The following SPANXN3 variants were observed in gnomAD, a reference collection of about 807,000 sequenced individuals.
SPANXN3 encodes the protein sperm protein associated with the nucleus on the X chromosome N3.
SPANXN3 carries 1 observed loss-of-function variant against 1.9 expected under a neutral mutation model. The observed-to-expected ratio is 0.54, with a 90% CI of 0.19 to 2.54. The LOEUF is 2.54. Among genes scored for constraint, SPANXN3 ranks in the 30% most tolerant of loss-of-function variants. SPANXN3 has a pLI of 0.24. For missense variants in SPANXN3, 113 were observed against 96.2 expected (o/e 1.17, Z -0.73); for synonymous variants, 47 against 40.0 (o/e 1.17, Z -0.66).
intron 1 of SPANXN3, among the ~76,000 whole-genome samples, chrX:143,513,070 C>T (rs145461156): frequency 9.1e-6 from 1 of 110,466 alleles, no homozygotes; most frequent in African/African-American, 3.4e-5. Context: ...TTGGGACATG[C>T]CCTTTCCTCA....
chrX:143,511,416 A>G (rs1929088646), intron 1 of SPANXN3, among the ~76,000 whole-genome samples: 1 of 111,415 alleles, frequency 9.0e-6, no homozygotes, highest in Admixed American at 9.5e-5. Context: ...CCCTAATACC[A>G]TTAAGGGCAA....
At position 143,508,792 on chromosome X, in the gene SPANXN3, C is replaced by G; in HGVS notation, c.*23G>C. On this transcript the variant is annotated 3_prime_UTR_variant, in exon 2 of 2. Transcript: ENST00000370503. ...TCGCCATCAGTGGTGATGATTTGTC[C>G]AATTTGGTTTCTCCATGTGTGACTA... The G allele has an allele frequency of 8.7e-7, 1 of 1,149,450 alleles. No individual in the cohort carries two copies. Among genetic ancestry groups the G allele is most frequent in the Non-Finnish European group, 1.2e-6 (1 of 846,339 alleles). The allele number at this position is 1,149,450 out of a possible 1,213,427, so 94.7% of individuals were successfully genotyped here. A position where few individuals can be genotyped will look rare whatever the true frequency, so the allele number is the denominator to read the frequency against.
chrX:143,514,189 C>A (rs1460376145), intron 1 of SPANXN3, among the ~76,000 whole-genome samples: 7 of 111,902 alleles, frequency 6.3e-5, no homozygotes, highest in Non-Finnish European at 1.3e-4. Context: ...GGCAGGCAGC[C>A]CTTAAAACCC....
intron 1 of SPANXN3, among the ~76,000 whole-genome samples, chrX:143,511,474 GA>G (rs1294530423): frequency 9.0e-6 from 1 of 110,857 alleles, no homozygotes; most frequent in Admixed American, 9.6e-5. Flanking sequence ...CCAGACATTT[GA>G]AAAAAAACTT....
chrX:143,514,620 G>A (rs1483078884), intron 1 of SPANXN3, among the ~76,000 whole-genome samples: 3 of 110,857 alleles, frequency 2.7e-5, no homozygotes, highest in African/African-American at 9.9e-5. Context: ...TCTCTGGATG[G>A]ATAAAAGCTT....
chrX:143,514,181 C>G (rs782155765), intron 1 of SPANXN3, among the ~76,000 whole-genome samples: 12 of 112,141 alleles, frequency 1.1e-4, no homozygotes, highest in African/African-American at 3.9e-4. Context: ...GGCAGCCTGG[C>G]AGGCAGCCCT....
intron 1 of SPANXN3, chrX:143,510,246 A>T (rs2124254429): frequency 9.0e-6 from 1 of 110,974 alleles, no homozygotes; most frequent in South Asian, 3.9e-4. Context: ...CTTGTTCTCC[A>T]AAAAAATTCC....
chrX:143,509,343 G>A (rs1929039507), intron 1 of SPANXN3, among the ~76,000 whole-genome samples, 181 bp from the exon 2 acceptor site: 1 of 111,208 alleles, frequency 9.0e-6, no homozygotes, highest in African/African-American at 3.3e-5. Flanking sequence ...AGCATGGGTA[G>A]AGTCACCTGT....
chrX:143,516,374 A>G (rs1165636931), intron 1 of SPANXN3, among the ~76,000 whole-genome samples: 3 of 112,116 alleles, frequency 2.7e-5, no homozygotes, highest in Non-Finnish European at 5.6e-5. Flanking sequence ...GGTCAGGAAC[A>G]TACACCCTGG....
chrX:143,510,109 C>T (rs1397842434), intron 1 of SPANXN3: 6 of 111,127 alleles, frequency 5.4e-5, no homozygotes, highest in Non-Finnish European at 7.5e-5. Context: ...CTTATTTTTC[C>T]TTCCTTCCCC....
At chrX:143,510,734 G>A (rs1438826789) in intron 1 of SPANXN3, among the ~76,000 whole-genome samples, 3 of 108,697 alleles carry the variant, frequency 2.8e-5, no homozygotes, top group Non-Finnish European at 3.8e-5. Context: ...CCTCCTCCTC[G>A]GGACAAGCCT....
At chrX:143,513,222 C>T (rs1393864587) in intron 1 of SPANXN3, among the ~76,000 whole-genome samples, 1 of 111,921 alleles carries the variant, frequency 8.9e-6, no homozygotes, top group African/African-American at 3.3e-5. Flanking sequence ...CTTGCCCCAT[C>T]AACTCCCACT....
chrX:143,513,535 C>T (rs191170178), intron 1 of SPANXN3, among the ~76,000 whole-genome samples: 1 of 111,746 alleles, frequency 8.9e-6, no homozygotes, highest in African/African-American at 3.3e-5. Flanking sequence ...ACCTACAGGA[C>T]CTCATAAACC....
At chrX:143,510,742 C>T (rs1244032578) in intron 1 of SPANXN3, among the ~76,000 whole-genome samples, 1 of 109,675 alleles carries the variant, frequency 9.1e-6, no homozygotes, top group Non-Finnish European at 1.9e-5. Context: ...TCGGGACAAG[C>T]CTTCCTCCTC....
At chrX:143,515,450 T>A (rs1929193737) in intron 1 of SPANXN3, among the ~76,000 whole-genome samples, 1 of 111,579 alleles carries the variant, frequency 9.0e-6, no homozygotes, top group Admixed American at 9.5e-5. Context: ...ATTTCAGATC[T>A]TTCCTGGCTA....
chrX:143,514,210 G>T (rs782326178), intron 1 of SPANXN3, among the ~76,000 whole-genome samples: 1 of 111,833 alleles, frequency 8.9e-6, no homozygotes, highest in African/African-American at 3.2e-5. Flanking sequence ...CATCGTTATT[G>T]CTCATTTTTT....
rs782374316 is a variant in SPANXN3 at position 143,509,095 on chromosome X, T to C, written c.146A>G (p.Tyr49Cys). 2 of 1,211,937 alleles carry C rather than the reference T, an allele frequency of 1.7e-6. No individual in the cohort carries two copies. Among genetic ancestry groups the C allele is most frequent in the East Asian group, 3.0e-5 (1 of 33,828 alleles). ...GAGGTAATACACAAATATTATTGGA[T>C]ATTCTGATGTTTTTGTGTTCTTCAA... The part of the protein sequence containing the change: ...QSLKNTKTSE[Y>C]PIIFVYYLRK... Residue 49 changes from tyrosine (Y) to cysteine (C), a missense_variant, in exon 2 of 2, where the codon TAT (tyrosine) becomes TGT (cysteine). By Grantham distance (194) the Tyr-to-Cys change is radical. Coordinates refer to ENST00000370503, the MANE Select transcript of SPANXN3 (RefSeq NM_001009609.4).
At chrX:143,511,889 C>G (rs782383204) in intron 1 of SPANXN3, among the ~76,000 whole-genome samples, 65 of 111,471 alleles carry the variant, frequency 5.8e-4, no homozygotes, top group African/African-American at 2.1e-3. Context: ...ATCACCACCT[C>G]GGAACCCAGG....
chrX:143,516,307 C>T (rs1291336910), intron 1 of SPANXN3, among the ~76,000 whole-genome samples: 1 of 112,520 alleles, frequency 8.9e-6, no homozygotes, highest in African/African-American at 3.2e-5. Flanking sequence ...TGTCTGTCCA[C>T]CCCCAGTGTC....
Sources: allele counts gnomAD v4.1 joint callset (sites outside exome capture counted in the v4.1 genomes callset), GRCh38; gene constraint gnomAD v4.1.1; transcripts MANE v1.5; gene names NCBI Gene and HGNC (gene_info 2026-07-23, HGNC 2026-07-21).